CDC42SE2: variants seen among roughly 807,000 people sequenced by gnomAD.
CDC42SE2 encodes the protein CDC42 small effector protein 2.
CDC42SE2 carries 3 observed loss-of-function variants against 11.5 expected under a neutral mutation model. The observed-to-expected ratio is 0.26, with a 90% CI of 0.12 to 0.67. CDC42SE2 has a LOEUF of 0.67. Ranked by LOEUF, CDC42SE2 falls within the 30% of genes least tolerant of loss-of-function variation. CDC42SE2 has a pLI of 0.80. For synonymous variants in CDC42SE2, 33 were observed against 34.8 expected (o/e 0.95, Z 0.18); for missense variants, 82 against 106.8 (o/e 0.77, Z 1.02).
At chr5:131,318,478 A>G (rs1758096285) in intron 2 of CDC42SE2, among the ~76,000 whole-genome samples, 1 of 152,198 alleles carries the variant, frequency 6.6e-6, no homozygotes, top group Admixed American at 6.5e-5. Context: ...ATTTGCTAGG[A>G]ATGCTGAGAT....
rs896738562 is a variant in CDC42SE2, at chr5:131,393,641, G to A, written c.*2550G>A. On this transcript the variant is annotated 3_prime_UTR_variant, in exon 5 of 5. Coordinates refer to ENST00000505065, the MANE Select transcript of CDC42SE2 (RefSeq NM_001375635.1). The stretch of plus-strand genomic sequence containing the variant: ...TGTGCTGTGTGCAAGCTCTTTAGAA[G>A]AGAGATTGGATTTTCTTGGCATTAT... 1.2e-4 allele frequency: 19 copies of A among 152,418 alleles called. No homozygotes were observed. The highest frequency in any genetic ancestry group is 3.6e-4 in the African/African-American group (15 of 41,560). The allele number at this position is 152,418 out of a possible 1,614,324, so 9.4% of individuals were successfully genotyped here.
intron 1 of CDC42SE2, among the ~76,000 whole-genome samples, chr5:131,265,707 G>A (rs1020915124): frequency 1.3e-5 from 2 of 152,162 alleles, no homozygotes; most frequent in African/African-American, 4.8e-5. Context: ...AGGTTAATAA[G>A]TAACTTTGTA....
At chr5:131,232,052 A>C in the CDC42SE2 span, among the ~76,000 whole-genome samples, 14 of 152,108 alleles carry the variant, frequency 9.2e-5, no homozygotes, top group Middle Eastern at 3.4e-3. Flanking sequence ...GGCCTCCCAA[A>C]GTGCTGGGAT....
rs894582205 is a variant in CDC42SE2 at position 131,367,106 on chromosome 5, ATG to A, written c.54+7571_54+7572del. The stretch of plus-strand genomic sequence containing the variant: ...GGTCAAAATATACAATCAAATATAT[ATG>A]TGTGTGTGTGTATATCATATACATA... On this transcript the variant is annotated intron_variant, in intron 3 of 4. Transcript: ENST00000505065. Among the ~76,000 whole-genome samples, 105 of 151,196 alleles carry A rather than the reference ATG, an allele frequency of 6.9e-4. No individual in the cohort carries two copies. In the South Asian group the frequency reaches 9.0e-3, roughly 13 times the overall value.
chr5:131,249,081 A>G (rs1041879337), intron 1 of CDC42SE2, among the ~76,000 whole-genome samples: 2 of 139,606 alleles, frequency 1.4e-5, no homozygotes, highest in Non-Finnish European at 3.0e-5. Context: ...GCAGTGGTGC[A>G]GTCTTGGCTC....
At chr5:131,306,493 T>A (rs1265241300) in intron 1 of CDC42SE2, among the ~76,000 whole-genome samples, 1 of 152,194 alleles carries the variant, frequency 6.6e-6, no homozygotes, top group Non-Finnish European at 1.5e-5. Flanking sequence ...TATTGATTAC[T>A]ATAGTTTGTA....
At chr5:131,371,219 G>A (rs1281590639) in intron 3 of CDC42SE2, among the ~76,000 whole-genome samples, 1 of 152,048 alleles carries the variant, frequency 6.6e-6, no homozygotes, top group Non-Finnish European at 1.5e-5. Context: ...TAAACAGATG[G>A]TATAAACCAT....
At chr5:131,293,142 G>A (rs1267966864) in intron 1 of CDC42SE2, among the ~76,000 whole-genome samples, 1 of 152,126 alleles carries the variant, frequency 6.6e-6, no homozygotes, top group African/African-American at 2.4e-5. Context: ...CAACGTGATG[G>A]TAATAGGAGG....
At chr5:131,318,044 G>A (rs1271135693) in intron 2 of CDC42SE2, among the ~76,000 whole-genome samples, 2 of 152,072 alleles carry the variant, frequency 1.3e-5, no homozygotes, top group Non-Finnish European at 2.9e-5. Flanking sequence ...GGGCTCAAGC[G>A]ATCCTCCTGT....
chr5:131,256,397 T>TG (rs1756680256), intron 2 of CDC42SE2, among the ~76,000 whole-genome samples: 1 of 152,214 alleles, frequency 6.6e-6, no homozygotes, highest in South Asian at 2.1e-4. Context: ...AGAGAAGAGT[T>TG]GGGTCTGTGA....
At chr5:131,374,343 C>G (rs1347649460) in intron 3 of CDC42SE2, among the ~76,000 whole-genome samples, 2 of 151,878 alleles carry the variant, frequency 1.3e-5, no homozygotes, top group African/African-American at 4.8e-5. Flanking sequence ...AGTTCAAGAC[C>G]AGCCTGGCCA....
At chr5:131,257,324 T>G (rs1290071154) in intron 2 of CDC42SE2, among the ~76,000 whole-genome samples, 1 of 152,102 alleles carries the variant, frequency 6.6e-6, no homozygotes, top group African/African-American at 2.4e-5. Context: ...CTCAAACTCC[T>G]GATCTCAAGT....
chr5:131,335,966 A>C (rs1758549856), intron 2 of CDC42SE2, among the ~76,000 whole-genome samples: 1 of 152,204 alleles, frequency 6.6e-6, no homozygotes, highest in African/African-American at 2.4e-5. Context: ...TAGCCCATTT[A>C]CATTTAAGGT....
At chr5:131,309,712 A>G (rs1757859541) in intron 1 of CDC42SE2, among the ~76,000 whole-genome samples, 2 of 151,796 alleles carry the variant, frequency 1.3e-5, no homozygotes, top group Admixed American at 6.6e-5. Flanking sequence ...CATTTCTTCT[A>G]GATTTTCTAG....
At chr5:131,244,226 A>T (rs998905012), upstream of CDC42SE2, among the ~76,000 whole-genome samples, 14 of 152,222 alleles carry the variant, frequency 9.2e-5, no homozygotes, top group African/African-American at 3.4e-4. Context: ...TACAAATACG[A>T]TTAGACAAAA....
At chr5:131,319,124 C>T (rs765942204) in intron 2 of CDC42SE2, among the ~76,000 whole-genome samples, 6 of 151,996 alleles carry the variant, frequency 3.9e-5, no homozygotes, top group Non-Finnish European at 8.8e-5. Context: ...AGGCTGGTTT[C>T]GAACTCCAGA....
intron 4 of CDC42SE2, among the ~76,000 whole-genome samples, chr5:131,385,916 A>C (rs1160242621): frequency 6.6e-6 from 1 of 152,170 alleles, no homozygotes; most frequent in East Asian, 1.9e-4. Context: ...ACTTGAAAGG[A>C]TTTGAGTTCA....
chr5:131,211,601 T>C, the CDC42SE2 span, among the ~76,000 whole-genome samples: 1 of 152,204 alleles, frequency 6.6e-6, no homozygotes, highest in South Asian at 2.1e-4. Context: ...TTGTGGATTG[T>C]GGGAACGTCC....
upstream of CDC42SE2, among the ~76,000 whole-genome samples, chr5:131,242,310 C>T (rs186933553): frequency 2.6e-5 from 4 of 152,212 alleles, no homozygotes; most frequent in Admixed American, 6.5e-5. Context: ...CAAGTGGTGA[C>T]GTTTGTAGTA....
Sources: gnomAD v4.1 joint callset for allele counts (sites outside exome capture counted in the v4.1 genomes callset) on GRCh38, gnomAD v4.1.1 for gene constraint, MANE v1.5 for transcripts, NCBI Gene and HGNC (gene_info 2026-07-23, HGNC 2026-07-21) for gene names.